Variants in MED12L observed in about 807,000 individuals in gnomAD.
MED12L encodes the protein mediator of RNA polymerase II transcription subunit 12-like protein.
Under a neutral mutation model 281.3 loss-of-function variants are expected in MED12L, and 60 were observed. The ratio of observed to expected loss-of-function variants is 0.21; its 90% CI spans 0.17 to 0.26. The LOEUF is 0.26. Ranked by LOEUF, MED12L falls within the 10% of genes least tolerant of loss-of-function variation. MED12L has a pLI of 1.00. For missense variants in MED12L, 2,146 were observed against 2,680.9 expected, an observed-to-expected ratio of 0.80 and a Z score of 4.41; for synonymous variants, 974 against 987.2, an observed-to-expected ratio of 0.99 and a Z score of 0.25.
chr3:151,430,383 A>G lies in MED12L; in HGVS notation c.6490+3A>G, dbSNP rs2108479553. Reference sequence around the variant, plus strand: ...GCAGCTCCAGAAGCAGCTTTCCAGTAAGTACCCCTGTGTGTCATGGAACAG... The same window carrying G: ...GCAGCTCCAGAAGCAGCTTTCCAGTGAGTACCCCTGTGTGTCATGGAACAG... On this transcript the variant is annotated splice_donor_region_variant and intron_variant, in intron 44 of 44. Transcript: ENST00000687756. 6.2e-7 allele frequency: 1 copy of G among 1,614,116 alleles called. No individual in the cohort carries two copies. Among genetic ancestry groups the G allele is most frequent in the Non-Finnish European group, 8.5e-7 (1 of 1,179,996 alleles).
At chr3:151,134,790 G>A (rs994832106) in intron 5 of MED12L, among the ~76,000 whole-genome samples, 8 of 152,246 alleles carry the variant, frequency 5.3e-5, no homozygotes, top group African/African-American at 1.4e-4. Context: ...AGAGAAATAC[G>A]TTATCAAATA....
intron 16 of MED12L, chr3:151,329,618 C>T: frequency 2.3e-6 from 2 of 852,384 alleles, no homozygotes; most frequent in Non-Finnish European, 3.7e-6. Flanking sequence ...TAATGTGACC[C>T]ATTAGAACCT....
intron 43 of MED12L, among the ~76,000 whole-genome samples, chr3:151,426,112 G>A (rs1374150742): frequency 6.6e-6 from 1 of 152,182 alleles, no homozygotes; most frequent in Non-Finnish European, 1.5e-5. Flanking sequence ...TTATTGACCT[G>A]TTTTGGTAAA....
intron 8 of MED12L, among the ~76,000 whole-genome samples, chr3:151,161,969 G>T (rs78894121): frequency 0.018 from 2,705 of 152,254 alleles, 60 homozygotes; most frequent in African/African-American, 0.056. Flanking sequence ...GCCAAATTAA[G>T]GAATGTCGAG....
At chr3:151,303,575 C>T (rs1005756153) in intron 16 of MED12L, among the ~76,000 whole-genome samples, 7 of 152,140 alleles carry the variant, frequency 4.6e-5, no homozygotes, top group Admixed American at 2.0e-4. Context: ...CAAGCCTGGC[C>T]AACATGGTGA....
intron 22 of MED12L, 80 bp from the exon 23 acceptor site, chr3:151,365,770 A>G: frequency 3.3e-6 from 4 of 1,221,740 alleles, no homozygotes; most frequent in Non-Finnish European, 4.4e-6. Flanking sequence ...TTAGTGAAAT[A>G]TATGTTAATT....
chr3:151,101,505 A>T (rs777684698), intron 2 of MED12L, among the ~76,000 whole-genome samples: 1 of 152,102 alleles, frequency 6.6e-6, no homozygotes, highest in Non-Finnish European at 1.5e-5. Flanking sequence ...TGAGTCTAAG[A>T]ATGCTGCGTG....
intron 28 of MED12L, 144 bp downstream of exon 28, chr3:151,376,358 A>G (rs1433845636): frequency 3.0e-6 from 2 of 664,932 alleles, no homozygotes; most frequent in Non-Finnish European, 4.6e-6. Flanking sequence ...TGGAATTGAC[A>G]TACTTTATTT....
At chr3:151,133,322 T>C (rs778779979) in intron 5 of MED12L, among the ~76,000 whole-genome samples, 9 of 152,222 alleles carry the variant, frequency 5.9e-5, no homozygotes, top group Non-Finnish European at 1.2e-4. Flanking sequence ...AGATCCTTAC[T>C]GTCGTTATGC....
At chr3:151,266,102 T>C (rs1739785574) in intron 16 of MED12L, among the ~76,000 whole-genome samples, 5 of 152,166 alleles carry the variant, frequency 3.3e-5, no homozygotes, top group Admixed American at 3.3e-4. Context: ...CCCCTTTCAG[T>C]TCCCCTTTCT....
chr3:151,098,915 G>T (rs1721063430), intron 2 of MED12L, among the ~76,000 whole-genome samples: 1 of 152,096 alleles, frequency 6.6e-6, no homozygotes, highest in Non-Finnish European at 1.5e-5. Context: ...ATGTGGCTGG[G>T]GACGCCTCAC....
chr3:151,406,847 CTGGAGTGCAGTGGCACGATCT>C (rs1716373647), intron 39 of MED12L, among the ~76,000 whole-genome samples: 1 of 144,948 alleles, frequency 6.9e-6, no homozygotes, highest in Non-Finnish European at 1.5e-5. Flanking sequence ...GGTGCCCAGG[CTGGAGTGCAGTGGCACGATCT>C]TGGCTCACTG....
intron 16 of MED12L, among the ~76,000 whole-genome samples, chr3:151,277,167 G>A (rs549620631): frequency 3.1e-4 from 46 of 150,732 alleles, no homozygotes; most frequent in African/African-American, 1.0e-3. Context: ...GCCTCACAAA[G>A]TGCTGGGATT....
At chr3:151,420,975 T>C (rs936532698) in intron 43 of MED12L, among the ~76,000 whole-genome samples, 2 of 152,196 alleles carry the variant, frequency 1.3e-5, no homozygotes, top group Non-Finnish European at 2.9e-5. Context: ...CCTGCCACCA[T>C]GTAGCTGGCT....
intron 16 of MED12L, chr3:151,337,499 T>C: frequency 3.9e-6 from 1 of 256,142 alleles, no homozygotes; most frequent in East Asian, 9.2e-5. Flanking sequence ...TTTTAAAAAT[T>C]ACAGTAAATA....
intron 26 of MED12L, among the ~76,000 whole-genome samples, chr3:151,371,106 C>G (rs1378508136): frequency 6.6e-6 from 1 of 152,162 alleles, no homozygotes; most frequent in East Asian, 1.9e-4. Context: ...TGAGGATCTC[C>G]TAGTATGGGG....
At chr3:151,097,258 A>G (rs1720832922) in intron 2 of MED12L, among the ~76,000 whole-genome samples, 1 of 152,212 alleles carries the variant, frequency 6.6e-6, no homozygotes, top group South Asian at 2.1e-4. Flanking sequence ...GACATTCTAT[A>G]TAAATGGATC....
At chr3:151,181,484 C>G (rs943593203) in intron 11 of MED12L, among the ~76,000 whole-genome samples, 6 of 149,182 alleles carry the variant, frequency 4.0e-5, no homozygotes, top group Non-Finnish European at 8.9e-5. Flanking sequence ...CTTCTGGGCT[C>G]AAGTAATCCT....
chr3:151,117,487 A>C (rs1465437781), intron 3 of MED12L, among the ~76,000 whole-genome samples: 3 of 152,120 alleles, frequency 2.0e-5, no homozygotes, highest in Non-Finnish European at 4.4e-5. Context: ...TTTCTAGCCC[A>C]GTGCTGCAGG....
Sources: allele counts gnomAD v4.1 joint callset (sites outside exome capture counted in the v4.1 genomes callset), GRCh38; gene constraint gnomAD v4.1.1; transcripts MANE v1.5; gene names NCBI Gene and HGNC (gene_info 2026-07-23, HGNC 2026-07-21).